Variants in SRBD1 observed in about 807,000 individuals in gnomAD.
SRBD1 encodes the protein S1 RNA-binding domain-containing protein 1.
In SRBD1, 88 loss-of-function variants were observed where a neutral mutation model predicts 115.3. The observed-to-expected ratio is 0.76, with a 90% CI of 0.64 to 0.91. The LOEUF (loss-of-function observed/expected upper bound fraction) is 0.91, where lower values mean the gene tolerates loss of function less well. Among genes scored for constraint, SRBD1 ranks in the 40% least tolerant of loss-of-function variants. The pLI, the probability that SRBD1 is intolerant of heterozygous loss-of-function variation, is 0.00. For missense variants in SRBD1, 1,385 were observed against 1,177.4 expected (o/e 1.18, Z -2.58); for synonymous variants, 509 against 407.7 (o/e 1.25, Z -2.99).
chr2:45,563,092 A>G (rs1158886687), intron 9 of SRBD1, among the ~76,000 whole-genome samples: 1 of 152,210 alleles, frequency 6.6e-6, no homozygotes, highest in East Asian at 1.9e-4. Flanking sequence ...ATTTGAAAAG[A>G]TAACCTGTGC....
chr2:45,402,748 T>G (rs190687857), intron 19 of SRBD1, among the ~76,000 whole-genome samples: 1 of 152,268 alleles, frequency 6.6e-6, no homozygotes, highest in Non-Finnish European at 1.5e-5. Context: ...GTGAATCAAA[T>G]TCTTAATACA....
chr2:45,514,998 T>C (rs889942233), intron 14 of SRBD1, among the ~76,000 whole-genome samples: 14 of 152,154 alleles, frequency 9.2e-5, no homozygotes, highest in African/African-American at 2.9e-4. Context: ...ACTTTTTAAT[T>C]TTAAAAGGAA....
intron 19 of SRBD1, among the ~76,000 whole-genome samples, chr2:45,408,174 A>C (rs7557300): frequency 0.15 from 22,938 of 152,150 alleles, 2,104 homozygotes; most frequent in African/African-American, 0.24. Context: ...TGATGACCTA[A>C]TCACATCTTA....
intron 19 of SRBD1, among the ~76,000 whole-genome samples, chr2:45,394,214 C>G (rs1352302120): frequency 6.6e-6 from 1 of 152,034 alleles, no homozygotes; most frequent in African/African-American, 2.4e-5. Context: ...ACTATGTTTA[C>G]CATTACCTTT....
At chr2:45,560,677 T>C (rs896427355) in intron 10 of SRBD1, among the ~76,000 whole-genome samples, 3 of 152,226 alleles carry the variant, frequency 2.0e-5, no homozygotes, top group Non-Finnish European at 1.5e-5. Flanking sequence ...TATGAAACTA[T>C]CTTAGAGTTT....
intron 4 of SRBD1, among the ~76,000 whole-genome samples, chr2:45,596,952 C>CACACT (rs767418953): frequency 2.2e-5 from 2 of 90,478 alleles, no homozygotes; most frequent in African/African-American, 3.9e-5. Flanking sequence ...ACACACACAC[C>CACACT]CACAACCCTA....
chr2:45,599,052 T>A (rs993006625), intron 4 of SRBD1, among the ~76,000 whole-genome samples: 1 of 152,220 alleles, frequency 6.6e-6, no homozygotes, highest in Non-Finnish European at 1.5e-5. Flanking sequence ...ATTACAACAT[T>A]ATACTAAGGG....
chr2:45,524,025 T>C lies in SRBD1; in HGVS notation c.1874+22707A>G, dbSNP rs1671365805. Among the ~76,000 whole-genome samples, 12 of 152,114 alleles carry C rather than the reference T, an allele frequency of 7.9e-5. No homozygotes were observed. In the South Asian group the frequency reaches 2.5e-3, roughly 31 times the overall value. The stretch of plus-strand genomic sequence containing the variant: ...ACCAAAAATCAATTAATACAGTACA[T>C]ACAATCATGTCAACAAAATTAAAAA... On this transcript the variant is annotated intron_variant, in intron 14 of 20. Coordinates refer to ENST00000263736, the MANE Select transcript of SRBD1 (RefSeq NM_018079.5).
At chr2:45,416,152 A>G (rs955913253) in intron 18 of SRBD1, among the ~76,000 whole-genome samples, 25 of 152,220 alleles carry the variant, frequency 1.6e-4, no homozygotes, top group African/African-American at 6.0e-4. Flanking sequence ...GCCCAAACAT[A>G]TAAATAAATA....
At chr2:45,397,447 G>T (rs751107151) in intron 19 of SRBD1, among the ~76,000 whole-genome samples, 3 of 152,100 alleles carry the variant, frequency 2.0e-5, no homozygotes, top group Non-Finnish European at 4.4e-5. Flanking sequence ...GCTCCTTTAT[G>T]CTATCTACAG....
At chr2:45,508,215 C>A (rs950090792) in intron 14 of SRBD1, among the ~76,000 whole-genome samples, 2 of 151,770 alleles carry the variant, frequency 1.3e-5, no homozygotes, top group African/African-American at 4.8e-5. Context: ...TTGAAATTCC[C>A]AAAGGTAAAA....
intron 4 of SRBD1, among the ~76,000 whole-genome samples, chr2:45,598,957 T>A (rs13003786): frequency 1.6e-4 from 25 of 152,070 alleles, no homozygotes; most frequent in East Asian, 5.8e-4. Context: ...TGATTTCCCC[T>A]GTAGTAAGAC....
chr2:45,563,806 T>G (rs75730726), intron 9 of SRBD1, among the ~76,000 whole-genome samples: 1 of 152,124 alleles, frequency 6.6e-6, no homozygotes. Context: ...AATTAGTAAT[T>G]TGAAAATTTC....
intron 4 of SRBD1, among the ~76,000 whole-genome samples, chr2:45,596,988 T>A (rs1422989826): frequency 2.8e-5 from 4 of 140,878 alleles, no homozygotes; most frequent in Non-Finnish European, 3.1e-5. Context: ...CCCACAACCC[T>A]CACACACACA....
At chr2:45,436,926 A>G (rs1668516040) in intron 16 of SRBD1, among the ~76,000 whole-genome samples, 1 of 152,246 alleles carries the variant, frequency 6.6e-6, no homozygotes, top group Admixed American at 6.5e-5. Flanking sequence ...GCAAGGTTGT[A>G]GGACACAAGG....
At chr2:45,590,390 A>G (rs1165665305) in intron 4 of SRBD1, among the ~76,000 whole-genome samples, 2 of 152,214 alleles carry the variant, frequency 1.3e-5, no homozygotes, top group Non-Finnish European at 2.9e-5. Flanking sequence ...CTAACAAATT[A>G]GCCACAAGAG....
chr2:45,453,012 T>C (rs943805973), intron 16 of SRBD1, among the ~76,000 whole-genome samples: 7 of 151,932 alleles, frequency 4.6e-5, no homozygotes, highest in Admixed American at 1.3e-4. Flanking sequence ...TTGTAATAAC[T>C]GCAGATTTTA....
chr2:45,568,732 A>G (rs1672913831), intron 9 of SRBD1, among the ~76,000 whole-genome samples: 3 of 152,234 alleles, frequency 2.0e-5, no homozygotes, highest in Admixed American at 1.3e-4. Flanking sequence ...AAAAGCATTA[A>G]TGTTTTTCCA....
At chr2:45,433,526 G>A (rs1452029331) in intron 16 of SRBD1, among the ~76,000 whole-genome samples, 3 of 152,088 alleles carry the variant, frequency 2.0e-5, no homozygotes, top group Non-Finnish European at 4.4e-5. Context: ...TCCTTTGATT[G>A]ACATGTGACA....
Sources: allele counts gnomAD v4.1 joint callset (sites outside exome capture counted in the v4.1 genomes callset), GRCh38; gene constraint gnomAD v4.1.1; transcripts MANE v1.5; gene names NCBI Gene and HGNC (gene_info 2026-07-23, HGNC 2026-07-21).